The following STIM1 variants were observed in gnomAD, a reference collection of about 807,000 sequenced individuals.
The protein encoded by STIM1 is stromal interaction molecule 1.
STIM1 carries 25 observed loss-of-function variants against 74.7 expected under a neutral mutation model. That is an observed-to-expected ratio of 0.33 (90% confidence interval 0.24 to 0.47). STIM1 has a LOEUF of 0.47. Among genes scored for constraint, STIM1 ranks in the 20% least tolerant of loss-of-function variants. The probability of loss-of-function intolerance (pLI) is 1.00; values close to 1 mark genes in which losing one functional copy is unlikely to be tolerated. For missense variants in STIM1, 728 were observed against 920.8 expected, an observed-to-expected ratio of 0.79 and a Z score of 2.71; for synonymous variants, 328 against 348.8, an observed-to-expected ratio of 0.94 and a Z score of 0.66.
At chr11:4,006,845 A>G (rs1378151381) in intron 2 of STIM1, among the ~76,000 whole-genome samples, 1 of 152,144 alleles carries the variant, frequency 6.6e-6, no homozygotes, top group Non-Finnish European at 1.5e-5. Flanking sequence ...GAAATATGGA[A>G]GGTAAGTAGT....
At chr11:3,963,882 T>C (rs1176569157) in intron 1 of STIM1, among the ~76,000 whole-genome samples, 1 of 152,200 alleles carries the variant, frequency 6.6e-6, no homozygotes, top group African/African-American at 2.4e-5. Context: ...ATACCTCCTA[T>C]ATTTGATTCT....
chr11:3,868,120 G>A (rs1482873085), intron 1 of STIM1: 4 of 152,222 alleles, frequency 2.6e-5, no homozygotes, highest in African/African-American at 9.7e-5. Context: ...AGAAAGCAGT[G>A]TGTGTCTGTG....
At chr11:4,052,469 C>G (rs911075706) in intron 3 of STIM1, among the ~76,000 whole-genome samples, 1 of 152,034 alleles carries the variant, frequency 6.6e-6, no homozygotes, top group African/African-American at 2.4e-5. Flanking sequence ...ACAAACCTGA[C>G]AAAAACAAGA....
chr11:3,977,896 G>T (rs2093463900), intron 2 of STIM1, among the ~76,000 whole-genome samples: 1 of 152,060 alleles, frequency 6.6e-6, no homozygotes, highest in African/African-American at 2.4e-5. Context: ...AATAGTGAGG[G>T]CTGGCTTGTA....
At chr11:4,024,321 C>G (rs566867693) in intron 3 of STIM1, among the ~76,000 whole-genome samples, 2 of 152,172 alleles carry the variant, frequency 1.3e-5, no homozygotes, top group Non-Finnish European at 2.9e-5. Flanking sequence ...TCTCTTGAGG[C>G]AGCCCCTTTC....
chr11:3,869,468 A>T (rs958710222), intron 1 of STIM1, among the ~76,000 whole-genome samples: 4 of 152,178 alleles, frequency 2.6e-5, no homozygotes, highest in African/African-American at 9.7e-5. Context: ...TAGAGGAGGT[A>T]GCAGCTTAGT....
intron 3 of STIM1, among the ~76,000 whole-genome samples, chr11:4,037,990 G>A (rs1468117857): frequency 3.3e-5 from 5 of 150,038 alleles, no homozygotes; most frequent in Admixed American, 3.3e-4. Context: ...TGGTATTTTA[G>A]TGGTTGCTTT....
intron 5 of STIM1, among the ~76,000 whole-genome samples, chr11:4,066,172 C>A (rs1037262091): frequency 5.3e-5 from 8 of 152,178 alleles, no homozygotes; most frequent in African/African-American, 1.9e-4. Flanking sequence ...CCAGTCCCAG[C>A]CAGCTTCCCT....
chr11:4,086,224 C>A, intron 11 of STIM1: 1 of 559,342 alleles, frequency 1.8e-6, no homozygotes, highest in Non-Finnish European at 3.2e-6. Flanking sequence ...TTGCCACTTC[C>A]CTTTATAGTG....
At chr11:4,076,555 C>T (rs1302313829) in intron 7 of STIM1, among the ~76,000 whole-genome samples, 1 of 148,080 alleles carries the variant, frequency 6.8e-6, no homozygotes, top group Non-Finnish European at 1.5e-5. Context: ...TTCAAGAAAT[C>T]CTTCCCTATC....
At chr11:4,075,957 T>C (rs988816142) in intron 7 of STIM1, among the ~76,000 whole-genome samples, 2 of 152,186 alleles carry the variant, frequency 1.3e-5, no homozygotes, top group African/African-American at 4.8e-5. Flanking sequence ...TTTTTATAAA[T>C]TTATTGGCCA....
At chr11:3,860,218 C>T (rs1590499089) in intron 1 of STIM1, among the ~76,000 whole-genome samples, 1 of 152,166 alleles carries the variant, frequency 6.6e-6, no homozygotes, top group Admixed American at 6.5e-5. Flanking sequence ...CAGATTAATA[C>T]AATAACATCA....
chr11:3,935,181 G>A (rs2092917872), intron 1 of STIM1, among the ~76,000 whole-genome samples: 1 of 152,204 alleles, frequency 6.6e-6, no homozygotes, highest in Non-Finnish European at 1.5e-5. Context: ...CCTGAAACAA[G>A]TCATCTTACC....
intron 5 of STIM1, among the ~76,000 whole-genome samples, chr11:4,068,926 A>C (rs2094385793): frequency 6.6e-6 from 1 of 152,018 alleles, no homozygotes; most frequent in African/African-American, 2.4e-5. Flanking sequence ...CCATGTCCTT[A>C]CTATGTCCAA....
chr11:3,904,921 T>C (rs1165224460), intron 1 of STIM1, among the ~76,000 whole-genome samples: 1 of 152,008 alleles, frequency 6.6e-6, no homozygotes, highest in African/African-American at 2.4e-5. Flanking sequence ...CTCTAAGAAA[T>C]AGTAGAGACT....
intron 1 of STIM1, among the ~76,000 whole-genome samples, chr11:3,871,977 C>T (rs549527907): frequency 7.9e-5 from 12 of 152,316 alleles, no homozygotes; most frequent in Non-Finnish European, 1.0e-4. Context: ...CTGTTCTTTG[C>T]AATTCTTTGG....
intron 3 of STIM1, among the ~76,000 whole-genome samples, chr11:4,036,047 C>T (rs532402845): frequency 6.6e-6 from 1 of 152,138 alleles, no homozygotes; most frequent in East Asian, 1.9e-4. Context: ...TGTTGTTCCC[C>T]CTGATGTGTC....
chr11:4,082,324 G>T lies in STIM1; in HGVS notation c.1110G>T (p.Glu370Asp). ...ACAACATCAAGAAGCAAAATGCTGAGAAGCAGCTGCTGGTGGCCAAGGAGG... is the reference window on the plus strand; with the variant it reads ...ACAACATCAAGAAGCAAAATGCTGATAAGCAGCTGCTGGTGGCCAAGGAGG... ...QYYNIKKQNAEKQLLVAKEGA... is the reference protein window; with the variant it reads ...QYYNIKKQNADKQLLVAKEGA... The change falls in exon 8 of 13, where the codon GAG becomes GAT. Residue 370 changes from glutamate (E) to aspartate (D), a missense_variant. Around this residue, in one of 5 missense-constraint regions of STIM1, gnomAD observed 131 missense variants for 235.9 expected, o/e 0.56. Coordinates refer to ENST00000526596, the MANE Select transcript of STIM1 (RefSeq NM_001382567.1). 3.7e-6 allele frequency: 6 copies of T among 1,613,286 alleles called. No individual in the cohort carries two copies. Among genetic ancestry groups the T allele is most frequent in the Non-Finnish European group, 5.1e-6 (6 of 1,179,902 alleles).
At chr11:4,027,515 T>A (rs1415627127) in intron 3 of STIM1, among the ~76,000 whole-genome samples, 1 of 152,090 alleles carries the variant, frequency 6.6e-6, no homozygotes, top group African/African-American at 2.4e-5. Flanking sequence ...TTTCACCGTG[T>A]TGGTTGGCCA....
Sources: allele counts gnomAD v4.1 joint callset (sites outside exome capture counted in the v4.1 genomes callset), GRCh38; gene constraint gnomAD v4.1.1; regional missense constraint gnomAD v4.1.1; transcripts MANE v1.5; gene names NCBI Gene and HGNC (gene_info 2026-07-23, HGNC 2026-07-21).